The following SORBS2 variants were observed in gnomAD, a reference collection of about 807,000 sequenced individuals.
The protein encoded by SORBS2 is sorbin and SH3 domain-containing protein 2.
Under a neutral mutation model 97.7 loss-of-function variants are expected in SORBS2, and 46 were observed. The observed-to-expected ratio is 0.47, with a 90% CI of 0.37 to 0.60. The LOEUF is 0.60. Among genes scored for constraint, SORBS2 ranks in the 20% least tolerant of loss-of-function variants. The pLI is 0.00. For synonymous variants in SORBS2, 476 were observed against 473.4 expected, an observed-to-expected ratio of 1.01 and a Z score of -0.07; for missense variants, 1,316 against 1,282.3, an observed-to-expected ratio of 1.03 and a Z score of -0.40.
intron 13 of SORBS2, among the ~76,000 whole-genome samples, chr4:185,592,350 T>C (rs542568138): frequency 1.3e-5 from 2 of 152,356 alleles, no homozygotes; most frequent in East Asian, 3.9e-4. Flanking sequence ...AATATACAAA[T>C]CAGGACTTTG....
chr4:185,938,040 T>G (rs2149989415), intron 1 of SORBS2, among the ~76,000 whole-genome samples: 1 of 149,330 alleles, frequency 6.7e-6, no homozygotes, highest in South Asian at 2.2e-4. Flanking sequence ...GATGGGGTCT[T>G]GCTCTGTCAC....
At chr4:185,611,852 A>G in exon 12 of SORBS2, 1 of 1,614,094 alleles carries the variant, frequency 6.2e-7, no homozygotes, top group Non-Finnish European at 8.5e-7. Flanking sequence ...GGTAGTCCTC[A>G]GCACCTTTTG....
At chr4:185,624,955 G>A (rs1416528297) in intron 6 of SORBS2, among the ~76,000 whole-genome samples, 2 of 152,120 alleles carry the variant, frequency 1.3e-5, no homozygotes, top group Non-Finnish European at 2.9e-5. Flanking sequence ...ATGATACATA[G>A]GTGAAGAAGG....
intron 1 of SORBS2, among the ~76,000 whole-genome samples, chr4:185,655,488 A>G (rs1347769410): frequency 6.6e-6 from 1 of 152,214 alleles, no homozygotes; most frequent in Non-Finnish European, 1.5e-5. Flanking sequence ...TCAGTGTAAG[A>G]GGAGAGTCCT....
intron 1 of SORBS2, among the ~76,000 whole-genome samples, chr4:185,886,265 T>C (rs1026304816): frequency 3.3e-5 from 5 of 151,888 alleles, no homozygotes; most frequent in East Asian, 1.9e-4. Context: ...ATAAGAAAAG[T>C]ATACAATCCA....
At chr4:185,830,617 A>G (rs28668255) in intron 1 of SORBS2, among the ~76,000 whole-genome samples, 15,745 of 152,252 alleles carry the variant, frequency 0.1, 948 homozygotes, top group Middle Eastern at 0.18. Flanking sequence ...AAGGATCAAG[A>G]ACATTTTCTC....
intron 2 of SORBS2, among the ~76,000 whole-genome samples, chr4:185,699,179 G>T (rs1374414016): frequency 6.6e-6 from 1 of 151,650 alleles, no homozygotes; most frequent in Non-Finnish European, 1.5e-5. Flanking sequence ...CTTGCTATGT[G>T]GAATTTAAAT....
At chr4:185,589,094 A>G (rs963374412) in intron 14 of SORBS2, 1 of 152,310 alleles carries the variant, frequency 6.6e-6, no homozygotes, top group Non-Finnish European at 1.5e-5. Context: ...TCTGTGGCCC[A>G]GTGTAAAATA....
chr4:185,951,535 A>T (rs1031504), intron 1 of SORBS2, among the ~76,000 whole-genome samples: 1 of 152,122 alleles, frequency 6.6e-6, no homozygotes, highest in Admixed American at 6.5e-5. Context: ...GACATTGCAC[A>T]TTCAGGATTA....
chr4:185,904,807 A>G lies in SORBS2; in HGVS notation c.-338+51389T>C, dbSNP rs148853640. On this transcript the variant is annotated intron_variant, in intron 1 of 20. Transcript: ENST00000284776. ...CCAAGTGAGAAGTGCAACTACCTCC[A>G]AGGGTAAAAGAAATAGGCCGGGCGC... Among the ~76,000 whole-genome samples the G allele has an allele frequency of 2.2e-3, 335 of 152,256 alleles. 11 individuals carry two copies. In the East Asian group the frequency reaches 0.06, roughly 27 times the overall value.
chr4:185,698,273 C>T (rs908921786), intron 2 of SORBS2, among the ~76,000 whole-genome samples: 4 of 152,090 alleles, frequency 2.6e-5, no homozygotes, highest in East Asian at 1.9e-4. Context: ...GTCAGGAGTT[C>T]GAGACCAGCC....
intron 1 of SORBS2, among the ~76,000 whole-genome samples, chr4:185,824,107 G>A (rs1273509315): frequency 6.6e-6 from 1 of 152,134 alleles, no homozygotes; most frequent in African/African-American, 2.4e-5. Flanking sequence ...AAACCGGGTG[G>A]CTTCAAACAA....
At chr4:185,891,457 T>C (rs1364956921) in intron 1 of SORBS2, among the ~76,000 whole-genome samples, 2 of 152,190 alleles carry the variant, frequency 1.3e-5, no homozygotes, top group African/African-American at 4.8e-5. Flanking sequence ...CGTACACAAT[T>C]ATCAGCCATT....
At chr4:185,807,135 AAAAC>A (rs1389674233) in intron 1 of SORBS2, among the ~76,000 whole-genome samples, 1 of 152,228 alleles carries the variant, frequency 6.6e-6, no homozygotes, top group Non-Finnish European at 1.5e-5. Flanking sequence ...TGAACAGAAA[AAAAC>A]AAAATATCAC....
At chr4:185,891,832 C>A (rs981628992) in intron 1 of SORBS2, among the ~76,000 whole-genome samples, 1 of 152,078 alleles carries the variant, frequency 6.6e-6, no homozygotes, top group Admixed American at 6.6e-5. Flanking sequence ...CAGGTGGTTA[C>A]AATAACTTTT....
upstream of SORBS2, among the ~76,000 whole-genome samples, chr4:185,661,145 G>A (rs560729247): frequency 5.9e-5 from 9 of 151,642 alleles, no homozygotes; most frequent in South Asian, 2.1e-4. Context: ...GTGCGGTGGC[G>A]GGCACCTGTA....
chr4:185,893,294 G>A (rs1296783109), intron 1 of SORBS2, among the ~76,000 whole-genome samples: 4 of 152,188 alleles, frequency 2.6e-5, no homozygotes, highest in Non-Finnish European at 4.4e-5. Flanking sequence ...TAACATCTGC[G>A]AGTGTGAGCC....
intron 1 of SORBS2, among the ~76,000 whole-genome samples, chr4:185,885,514 TGCATTGCCAATGA>T (rs1226154202): frequency 1.3e-5 from 2 of 152,256 alleles, no homozygotes; most frequent in Non-Finnish European, 2.9e-5. Context: ...TGAGGTCACC[TGCATTGCCAATGA>T]CAGCTCAAAA....
At chr4:185,752,326 A>G (rs1447671953) in intron 2 of SORBS2, among the ~76,000 whole-genome samples, 2 of 152,146 alleles carry the variant, frequency 1.3e-5, no homozygotes, top group Non-Finnish European at 2.9e-5. Flanking sequence ...CCCAGGCTGG[A>G]GTGCAGTGGC....
Sources: allele counts gnomAD v4.1 joint callset (sites outside exome capture counted in the v4.1 genomes callset), GRCh38; gene constraint gnomAD v4.1.1; transcripts MANE v1.5; gene names NCBI Gene and HGNC (gene_info 2026-07-23, HGNC 2026-07-21).